PARG: variants seen among roughly 807,000 people sequenced by gnomAD.
PARG encodes the protein poly(ADP-ribose) glycohydrolase.
A neutral mutation model predicts 113.0 loss-of-function variants in PARG; 35 were observed. The observed-to-expected ratio is 0.31, with a 90% CI of 0.24 to 0.41. PARG has a LOEUF of 0.41. Among genes scored for constraint, PARG ranks in the 10% least tolerant of loss-of-function variants. The probability of loss-of-function intolerance (pLI) is 1.00; values close to 1 mark genes in which losing one functional copy is unlikely to be tolerated. For missense variants in PARG, 797 were observed against 1,169.4 expected (o/e 0.68, Z 4.64); for synonymous variants, 330 against 409.9 (o/e 0.81, Z 2.36).
chr10:49,848,962 G>A (rs1306358379), intron 13 of PARG, among the ~76,000 whole-genome samples: 6 of 151,712 alleles, frequency 4.0e-5, no homozygotes, highest in Non-Finnish European at 8.8e-5. Flanking sequence ...TGTCAATTCC[G>A]AGGTGGGCGG....
At chr10:49,859,115 C>T (rs1290427461) in intron 12 of PARG, among the ~76,000 whole-genome samples, 7 of 143,830 alleles carry the variant, frequency 4.9e-5, no homozygotes, top group Non-Finnish European at 9.1e-5. Flanking sequence ...AGCTGACATG[C>T]AGGCTGAGGG....
intron 15 of PARG, among the ~76,000 whole-genome samples, chr10:49,836,029 G>A (rs1456581194): frequency 6.6e-6 from 1 of 152,112 alleles, no homozygotes; most frequent in Non-Finnish European, 1.5e-5. Context: ...GCCTAGGTGA[G>A]TAGCAGGCTA....
intron 15 of PARG, among the ~76,000 whole-genome samples, chr10:49,836,306 A>ATT (rs1844922089): frequency 1.5e-4 from 4 of 26,278 alleles, no homozygotes; most frequent in Admixed American, 1.1e-3. Context: ...ATTTCTTACG[A>ATT]CTTTTTTTTT....
intron 8 of PARG, among the ~76,000 whole-genome samples, chr10:49,882,300 T>C (rs1847254047): frequency 6.6e-6 from 1 of 151,024 alleles, no homozygotes; most frequent in Non-Finnish European, 1.5e-5. Flanking sequence ...TTTCCTTTAA[T>C]TTTATTTTGA....
chr10:49,821,862 G>A (rs1052805961), intron 16 of PARG, among the ~76,000 whole-genome samples: 4 of 152,046 alleles, frequency 2.6e-5, no homozygotes, highest in African/African-American at 7.3e-5. Flanking sequence ...GGGAAAGGAA[G>A]AAGAACAGGA....
intron 13 of PARG, among the ~76,000 whole-genome samples, chr10:49,853,887 C>T (rs1845868099): frequency 1.3e-5 from 2 of 152,252 alleles, no homozygotes; most frequent in South Asian, 4.1e-4. Flanking sequence ...GCTCCTTTAT[C>T]CATGGGTGCT....
chr10:49,819,449 C>T lies in PARG; in HGVS notation c.2822G>A (p.Arg941Lys), dbSNP rs760690496. The T allele has an allele frequency of 6.4e-6, 10 of 1,551,202 alleles. No homozygotes were observed. In the African/African-American group the frequency reaches 1.2e-4, roughly 19 times the overall value. ...GTCTGGTCCAGGGGTGGAACAGTTTCTGCATTCTTCATTGTAGTATCGTAG... is the reference window on the plus strand; with the variant it reads ...GTCTGGTCCAGGGGTGGAACAGTTTTTGCATTCTTCATTGTAGTATCGTAG... Reference protein sequence around the residue: ...LLLRYYNEECRNCSTPGPDIK... With the variant: ...LLLRYYNEECKNCSTPGPDIK... The change falls in exon 18 of 18, where the codon AGA (arginine) becomes AAA (lysine). Residue 941 changes from arginine to lysine, a missense_variant. Physicochemically the swap from Arg to Lys is conservative, Grantham distance 26. Coordinates refer to ENST00000616448, the MANE Select transcript of PARG (RefSeq NM_003631.5).
In PARG at chr10:49,935,155, AT is replaced by A. The variant is rs1838687112; in HGVS notation, c.218-14del. The A allele has an allele frequency of 5.5e-6, 4 of 721,774 alleles. No homozygotes were observed. Among genetic ancestry groups the A allele is most frequent in the Admixed American group, 2.3e-5 (1 of 44,116 alleles). The allele number at this position is 721,774 out of a possible 1,614,324, so 44.7% of individuals were successfully genotyped here. Reference sequence around the variant, plus strand: ...TTTTGTTTGAAAACTATAAAAAAAAATGTATATTCATACATTCCTTCAAATA... The same window carrying A: ...TTTTGTTTGAAAACTATAAAAAAAAAGTATATTCATACATTCCTTCAAATA... On this transcript the variant is annotated splice_polypyrimidine_tract_variant and intron_variant, in intron 1 of 17. Coordinates refer to ENST00000616448, the MANE Select transcript of PARG (RefSeq NM_003631.5).
chr10:49,920,463 A>AAAAAAATATAT (rs1431747248), intron 6 of PARG, among the ~76,000 whole-genome samples: 4 of 47,980 alleles, frequency 8.3e-5, no homozygotes, highest in African/African-American at 1.5e-4. Flanking sequence ...AAAAAAAAAA[A>AAAAAAATATAT]ATATATATAT....
At chr10:49,840,933 C>T (rs1334668315) in intron 15 of PARG, among the ~76,000 whole-genome samples, 1 of 152,124 alleles carries the variant, frequency 6.6e-6, no homozygotes, top group Non-Finnish European at 1.5e-5. Flanking sequence ...GTCTTCTTGG[C>T]TGTGTGAATA....
intron 4 of PARG, among the ~76,000 whole-genome samples, chr10:49,928,186 G>T (rs1353585790): frequency 6.6e-6 from 1 of 151,668 alleles, no homozygotes; most frequent in East Asian, 1.9e-4. Flanking sequence ...TAGGAGGATC[G>T]CTTGAACCCG....
chr10:49,888,095 T>G (rs1337810004), intron 7 of PARG, among the ~76,000 whole-genome samples: 1 of 152,172 alleles, frequency 6.6e-6, no homozygotes, highest in Non-Finnish European at 1.5e-5. Context: ...TTACCAACAT[T>G]TACTGGTGTC....
At chr10:49,921,699 T>G (rs533002360) in intron 6 of PARG, among the ~76,000 whole-genome samples, 1 of 151,996 alleles carries the variant, frequency 6.6e-6, no homozygotes, top group African/African-American at 2.4e-5. Context: ...CTGTTTATAT[T>G]TATAAAAACA....
intron 15 of PARG, among the ~76,000 whole-genome samples, chr10:49,837,117 C>A (rs1844977052): frequency 1.3e-5 from 2 of 152,182 alleles, no homozygotes; most frequent in South Asian, 4.1e-4. Context: ...AGACTGGTCC[C>A]CCCCTTTAAA....
chr10:49,941,081 T>C (rs1839025881), intron 1 of PARG, among the ~76,000 whole-genome samples: 1 of 152,214 alleles, frequency 6.6e-6, no homozygotes, highest in African/African-American at 2.4e-5. Flanking sequence ...CAACACTGTA[T>C]ACCAGGGACG....
intron 16 of PARG, among the ~76,000 whole-genome samples, chr10:49,829,136 T>C (rs1383370966): frequency 2.0e-5 from 3 of 151,930 alleles, no homozygotes; most frequent in African/African-American, 4.8e-5. Flanking sequence ...CTCGGGAGGC[T>C]GAGGGAGGAG....
At chr10:49,904,851 G>C (rs1588968892) in intron 7 of PARG, among the ~76,000 whole-genome samples, 1 of 152,212 alleles carries the variant, frequency 6.6e-6, no homozygotes, top group East Asian at 1.9e-4. Flanking sequence ...AGGAGGCGGA[G>C]GTTGCAGTGA....
chr10:49,918,359 T>C (rs1242368894), intron 6 of PARG, among the ~76,000 whole-genome samples: 1 of 152,244 alleles, frequency 6.6e-6, no homozygotes, highest in East Asian at 1.9e-4. Flanking sequence ...ATTATTTTAG[T>C]GTTTTATAAT....
At chr10:49,912,371 C>G (rs1440864503) in intron 7 of PARG, among the ~76,000 whole-genome samples, 1 of 151,826 alleles carries the variant, frequency 6.6e-6, no homozygotes, top group African/African-American at 2.4e-5. Context: ...TGTTTAAGAA[C>G]CCTTAGTTTA....
Sources: gnomAD v4.1 joint callset for allele counts (sites outside exome capture counted in the v4.1 genomes callset) on GRCh38, gnomAD v4.1.1 for gene constraint, MANE v1.5 for transcripts, NCBI Gene and HGNC (gene_info 2026-07-23, HGNC 2026-07-21) for gene names.